The following CHURC1 variants were observed in gnomAD, a reference collection of about 807,000 sequenced individuals.
The protein encoded by CHURC1 is churchill domain containing 1, also known as protein Churchill.
A neutral mutation model predicts 15.4 loss-of-function variants in CHURC1; 12 were observed. That is an observed-to-expected ratio of 0.78 (90% CI 0.50 to 1.27). CHURC1 has a LOEUF of 1.27. Ranked by LOEUF, CHURC1 falls within the 50% of genes most tolerant of loss-of-function variation. The pLI is 0.00. For missense variants in CHURC1, 132 were observed against 137.8 expected (o/e 0.96, Z 0.21); for synonymous variants, 42 against 47.5 (o/e 0.88, Z 0.48).
At position 64,935,243 on chromosome 14, in the gene CHURC1, G is replaced by A. The variant is rs2139929479; in HGVS notation, c.*3013G>A. The A allele has an allele frequency of 3.6e-6, 1 of 274,270 alleles. No homozygotes were observed. The highest frequency in any genetic ancestry group is 1.8e-4 in the East Asian group (1 of 5,702). 17.0% of individuals were successfully genotyped at this position (274,270 alleles called of 1,614,324 possible). On this transcript the variant is annotated 3_prime_UTR_variant, in exon 4 of 4. Coordinates refer to ENST00000549115, the MANE Select transcript of CHURC1 (RefSeq NM_001386928.1). ...AGATATACCTGATGCTAAATGACGA[G>A]TTAGTGGGTGCAGCACACCAGCATG...
At position 64,932,437 on chromosome 14, in the gene CHURC1, A is replaced by G. The variant is rs1885132623; in HGVS notation, c.*207A>G. 3 of 1,286,840 alleles carry G rather than the reference A, an allele frequency of 2.3e-6. No homozygotes were observed. The highest frequency in any genetic ancestry group is 3.0e-6 in the Non-Finnish European group (3 of 1,013,702). The allele number at this position is 1,286,840 out of a possible 1,614,324, so 79.7% of individuals were successfully genotyped here. A position where few individuals can be genotyped will look rare whatever the true frequency, so the allele number is the denominator to read the frequency against. The stretch of plus-strand genomic sequence containing the variant: ...TCTGCTAAAGTTCAAAGTTCACATC[A>G]GTGTAGCCAGAGTGAAGCATCTTTG... On this transcript the variant is annotated 3_prime_UTR_variant, in exon 4 of 4. Coordinates refer to ENST00000549115, the MANE Select transcript of CHURC1 (RefSeq NM_001386928.1).
intron 3 of CHURC1, 29 bp from the exon 4 acceptor site, chr14:64,932,109 A>G (rs1313173873): frequency 1.2e-6 from 2 of 1,601,304 alleles, no homozygotes; most frequent in Middle Eastern, 1.7e-4. Context: ...CTGTTCCTCT[A>G]GGTAATTATG....
Position 64,933,924 on chromosome 14 carries a change from C to G in CHURC1, c.*1694C>G. 1 of 985,228 alleles carries G rather than the reference C, an allele frequency of 1.0e-6. No homozygotes were observed. The highest frequency in any genetic ancestry group is 1.2e-6 in the Non-Finnish European group (1 of 829,806). 61.0% of individuals were successfully genotyped at this position (985,228 alleles called of 1,614,324 possible). ...CATTAACAAATTCATAAGGTAGGTGCTATTGATAGTTTAGCCATAACCAGA... is the reference window on the plus strand; with the variant it reads ...CATTAACAAATTCATAAGGTAGGTGGTATTGATAGTTTAGCCATAACCAGA... On this transcript the variant is annotated 3_prime_UTR_variant, in exon 4 of 4. Transcript: ENST00000549115.
Position 64,934,579 on chromosome 14 carries a change from A to T in CHURC1, c.*2349A>T. 1 of 985,410 alleles carries T rather than the reference A, an allele frequency of 1.0e-6. No homozygotes were observed. The highest frequency in any genetic ancestry group is 1.7e-5 in the African/African-American group (1 of 57,342). 61.0% of individuals were successfully genotyped at this position (985,410 alleles called of 1,614,324 possible). A position where few individuals can be genotyped will look rare whatever the true frequency, so the allele number is the denominator to read the frequency against. On this transcript the variant is annotated 3_prime_UTR_variant, in exon 4 of 4. Transcript: ENST00000549115. The stretch of plus-strand genomic sequence containing the variant: ...AAAAGTTAAGTCAGCTGTTGCAGGG[A>T]TCAGTTGTTTTATTCCTGGAAAATG...
chr14:64,914,504 C>T lies in CHURC1; in HGVS notation c.9C>T (p.Gly3=), dbSNP rs1883718442. 6.2e-7 allele frequency: 1 copy of T among 1,614,250 alleles called. No individual in the cohort carries two copies. Among genetic ancestry groups the T allele is most frequent in the African/African-American group, 1.3e-5 (1 of 75,066 alleles). ...CTGTTGACTGCGTCGCGATGTGTGG[C>T]GACTGTGTGGAGAAGGAATATCCCA... MC[G]DCVEKEYPNR... is the part of the protein sequence containing the mutation. The change falls in exon 1 of 4, where the codon GGC becomes GGT. Residue 3 remains glycine (G), a synonymous_variant. Coordinates refer to ENST00000549115, the MANE Select transcript of CHURC1 (RefSeq NM_001386928.1).
At chr14:64,924,195 A>G in intron 2 of CHURC1, 69 bp downstream of exon 2, 1 of 1,486,310 alleles carries the variant, frequency 6.7e-7, no homozygotes, top group Non-Finnish European at 9.0e-7. Context: ...GATATGTTAC[A>G]CAAAATATTC....
intron 2 of CHURC1, among the ~76,000 whole-genome samples, chr14:64,925,153 T>C (rs1043893458): frequency 2.0e-5 from 3 of 152,214 alleles, no homozygotes; most frequent in Admixed American, 6.5e-5. Flanking sequence ...AAGTATGCCA[T>C]TGTTTCCTTA....
chr14:64,917,422 G>A (rs1436468839), intron 1 of CHURC1, among the ~76,000 whole-genome samples: 1 of 152,220 alleles, frequency 6.6e-6, no homozygotes, highest in Non-Finnish European at 1.5e-5. Flanking sequence ...AATTAGCTGG[G>A]TGTGGTGGGA....
intron 1 of CHURC1, among the ~76,000 whole-genome samples, chr14:64,915,673 C>T (rs1469577564): frequency 6.6e-6 from 1 of 152,174 alleles, no homozygotes; most frequent in African/African-American, 2.4e-5. Flanking sequence ...TATGAATTCT[C>T]CTGTAGTACA....
intron 1 of CHURC1, among the ~76,000 whole-genome samples, chr14:64,922,952 T>A (rs1466257685): frequency 6.6e-6 from 1 of 152,204 alleles, no homozygotes; most frequent in Non-Finnish European, 1.5e-5. Flanking sequence ...GCAACATGTT[T>A]GGCTCATCTT....
intron 3 of CHURC1, among the ~76,000 whole-genome samples, chr14:64,930,012 T>C (rs950040367): frequency 6.6e-6 from 1 of 151,794 alleles, no homozygotes; most frequent in African/African-American, 2.4e-5. Flanking sequence ...GACTGCTTTC[T>C]ATTCCTCTGT....
At position 64,934,343 on chromosome 14, in the gene CHURC1, A is replaced by G. The variant is rs1885227638; in HGVS notation, c.*2113A>G. On this transcript the variant is annotated 3_prime_UTR_variant, in exon 4 of 4. Transcript: ENST00000549115. ...AGCCTGGGAGACAGAGCAAGACTCC[A>G]TCTCAAAAACAAAAACAAAACAAAA... 2 of 806,860 alleles carry G rather than the reference A, an allele frequency of 2.5e-6. No individual in the cohort carries two copies. Among genetic ancestry groups the G allele is most frequent in the Non-Finnish European group, 3.0e-6 (2 of 667,006 alleles). The allele number at this position is 806,860 out of a possible 1,614,324, so 50.0% of individuals were successfully genotyped here.
intron 3 of CHURC1, among the ~76,000 whole-genome samples, chr14:64,927,709 TC>T (rs780528509): frequency 8.9e-5 from 4 of 44,752 alleles, no homozygotes; most frequent in Non-Finnish European, 1.3e-4. Context: ...AGTCTACTTC[TC>T]CCCCCACCCC....
chr14:64,922,185 C>A (rs1884351814), intron 1 of CHURC1, among the ~76,000 whole-genome samples: 1 of 152,050 alleles, frequency 6.6e-6, no homozygotes, highest in African/African-American at 2.4e-5. Context: ...GTAGTGGTTA[C>A]ATGGGTATAT....
chr14:64,924,121 A>G lies in CHURC1; in HGVS notation c.170A>G (p.Tyr57Cys), dbSNP rs141194013. 3.8e-3 allele frequency: 6,189 copies of G among 1,607,926 alleles called. 25 individuals are homozygous for G. Among genetic ancestry groups the G allele is most frequent in the Non-Finnish European group, 4.5e-3 (5,336 of 1,176,844 alleles). Residue 57 changes from tyrosine (Y) to cysteine (C), a missense_variant, in exon 2 of 4, where the codon TAT (tyrosine) becomes TGT (cysteine). Tyr to Cys is a radical substitution (Grantham distance 194). Transcript: ENST00000549115. ...KEEDGEEIVTYDHLCKNCHHV... is the reference protein window; with the variant it reads ...KEEDGEEIVTCDHLCKNCHHV... ...GAAGATGGAGAAGAAATAGTTACCT[A>G]TGATCGTAAGTAGACTTTATTTTTT...
At chr14:64,922,800 TCTCCCA>T (rs1884407738) in intron 1 of CHURC1, among the ~76,000 whole-genome samples, 1 of 152,064 alleles carries the variant, frequency 6.6e-6, no homozygotes, top group Non-Finnish European at 1.5e-5. Context: ...AGAGATTAAT[TCTCCCA>T]CCAGAATTAA....
At chr14:64,919,580 A>C (rs1884125302) in intron 1 of CHURC1, among the ~76,000 whole-genome samples, 1 of 152,128 alleles carries the variant, frequency 6.6e-6, no homozygotes, top group African/African-American at 2.4e-5. Flanking sequence ...CTAACCTTCC[A>C]CTTAAGACAA....
chr14:64,934,023 G>A lies in CHURC1; in HGVS notation c.*1793G>A. 1.0e-6 allele frequency: 1 copy of A among 972,020 alleles called. No homozygotes were observed. The highest frequency in any genetic ancestry group is 1.2e-6 in the Non-Finnish European group (1 of 826,882). The allele number at this position is 972,020 out of a possible 1,614,324, so 60.2% of individuals were successfully genotyped here. On this transcript the variant is annotated 3_prime_UTR_variant, in exon 4 of 4. Coordinates refer to ENST00000549115, the MANE Select transcript of CHURC1 (RefSeq NM_001386928.1). ...TCTTTATTTCAGTGTAGCACTTTTA[G>A]AGCCAAAAAAACTCAGGCACAAAGA...
chr14:64,925,961 A>C (rs1300435950), intron 2 of CHURC1, 49 bp from the exon 3 acceptor site: 1 of 1,377,650 alleles, frequency 7.3e-7, no homozygotes, highest in Non-Finnish European at 9.9e-7. Context: ...TAGAAGTTTT[A>C]AGAAACTCTC....
Sources: gnomAD v4.1 joint callset for allele counts (sites outside exome capture counted in the v4.1 genomes callset) on GRCh38, gnomAD v4.1.1 for gene constraint, MANE v1.5 for transcripts, NCBI Gene and HGNC (gene_info 2026-07-23, HGNC 2026-07-21) for gene names.